STXBP6: variants seen among roughly 807,000 people sequenced by gnomAD.
STXBP6 encodes the protein syntaxin binding protein 6.
A neutral mutation model predicts 26.9 loss-of-function variants in STXBP6; 21 were observed. The observed-to-expected ratio is 0.78, with a 90% CI of 0.55 to 1.12. The LOEUF (loss-of-function observed/expected upper bound fraction) is 1.12, where lower values mean the gene tolerates loss of function less well. Ranked by LOEUF, STXBP6 falls within the 50% of genes most tolerant of loss-of-function variation. STXBP6 has a pLI of 0.00. For synonymous variants in STXBP6, 97 were observed against 92.6 expected (o/e 1.05, Z -0.27); for missense variants, 232 against 257.9 (o/e 0.90, Z 0.69).
At chr14:24,832,589 A>C (rs1417533860) in intron 4 of STXBP6, among the ~76,000 whole-genome samples, 1 of 152,184 alleles carries the variant, frequency 6.6e-6, no homozygotes, top group Non-Finnish European at 1.5e-5. Context: ...GTTACTAATG[A>C]ATTCCTGTGA....
intron 1 of STXBP6, among the ~76,000 whole-genome samples, chr14:25,015,742 T>C (rs1466837990): frequency 1.3e-5 from 2 of 151,910 alleles, no homozygotes; most frequent in Non-Finnish European, 2.9e-5. Flanking sequence ...AAAGTTGATT[T>C]AGACTGCATA....
At chr14:24,924,180 G>A (rs886653735) in intron 2 of STXBP6, among the ~76,000 whole-genome samples, 4 of 152,032 alleles carry the variant, frequency 2.6e-5, no homozygotes, top group East Asian at 1.9e-4. Context: ...GATGTCATCC[G>A]TGTGGGGCAT....
At chr14:24,892,146 T>C (rs2070810820) in intron 2 of STXBP6, among the ~76,000 whole-genome samples, 2 of 152,192 alleles carry the variant, frequency 1.3e-5, no homozygotes, top group Admixed American at 1.3e-4. Flanking sequence ...CTCCCCCATG[T>C]ATTCAGAGCA....
chr14:25,004,774 C>A (rs1415258887), intron 1 of STXBP6, among the ~76,000 whole-genome samples: 1 of 152,060 alleles, frequency 6.6e-6, no homozygotes, highest in African/African-American at 2.4e-5. Context: ...AGGGTCAGTT[C>A]ACATTCCCTA....
intron 2 of STXBP6, among the ~76,000 whole-genome samples, chr14:24,863,573 AATATCAAGAG>A (rs2069618651): frequency 6.6e-6 from 1 of 152,178 alleles, no homozygotes; most frequent in African/African-American, 2.4e-5. Flanking sequence ...AAGTTACAGA[AATATCAAGAG>A]ATATCAAGAG....
At chr14:25,024,925 A>AT (rs912796876) in intron 1 of STXBP6, among the ~76,000 whole-genome samples, 10 of 151,954 alleles carry the variant, frequency 6.6e-5, no homozygotes, top group South Asian at 2.1e-4. Context: ...CCATTTAATG[A>AT]TTTTTTTTGT....
At chr14:25,020,049 T>C (rs2075233855) in intron 1 of STXBP6, among the ~76,000 whole-genome samples, 1 of 152,108 alleles carries the variant, frequency 6.6e-6, no homozygotes, top group Non-Finnish European at 1.5e-5. Flanking sequence ...CTGATATACA[T>C]TACACATGAC....
At chr14:24,849,090 A>C (rs1477699064) in intron 4 of STXBP6, among the ~76,000 whole-genome samples, 2 of 152,154 alleles carry the variant, frequency 1.3e-5, no homozygotes, top group African/African-American at 4.8e-5. Context: ...TAACAAAAAC[A>C]CAAAACTTCC....
At chr14:24,861,047 G>T (rs911085956) in intron 2 of STXBP6, among the ~76,000 whole-genome samples, 10 of 151,958 alleles carry the variant, frequency 6.6e-5, no homozygotes, top group Non-Finnish European at 1.0e-4. Flanking sequence ...AAAAAAGAAA[G>T]AAAGAAAGAG....
chr14:24,973,675 C>T (rs1476529722), intron 2 of STXBP6, among the ~76,000 whole-genome samples: 1 of 152,092 alleles, frequency 6.6e-6, no homozygotes, highest in Non-Finnish European at 1.5e-5. Flanking sequence ...GCATGAGCCA[C>T]CGCGCCTGGC....
At chr14:25,004,886 G>C (rs1357673988) in intron 1 of STXBP6, among the ~76,000 whole-genome samples, 1 of 152,170 alleles carries the variant, frequency 6.6e-6, no homozygotes, top group African/African-American at 2.4e-5. Context: ...CCTGGGCCTA[G>C]GAGCATAAAT....
chr14:24,960,041 C>T (rs184224452), intron 2 of STXBP6, among the ~76,000 whole-genome samples: 87 of 152,280 alleles, frequency 5.7e-4, no homozygotes, highest in Non-Finnish European at 1.0e-3. Flanking sequence ...AGCAGACAAC[C>T]CCTGAAAGGA....
intron 1 of STXBP6, among the ~76,000 whole-genome samples, chr14:25,006,568 G>T (rs770074703): frequency 6.6e-6 from 1 of 152,164 alleles, no homozygotes; most frequent in Non-Finnish European, 1.5e-5. Context: ...CCCAGAAGAC[G>T]CACCTCTGCT....
At chr14:24,951,013 G>A (rs2073151385) in intron 2 of STXBP6, among the ~76,000 whole-genome samples, 1 of 152,010 alleles carries the variant, frequency 6.6e-6, no homozygotes, top group Non-Finnish European at 1.5e-5. Flanking sequence ...TCTTGTGTTA[G>A]CTTGCTAACA....
At position 25,037,750 on chromosome 14, in the gene STXBP6, G is replaced by A. The variant is rs148343914; in HGVS notation, c.-33+12128C>T. 2.2e-4 allele frequency among the ~76,000 whole-genome samples: 33 copies of A among 152,260 alleles called. No homozygotes were observed. The East Asian group carries it at 6.2e-3, about 29-fold the overall frequency. On this transcript the variant is annotated intron_variant, in intron 1 of 5. Coordinates refer to ENST00000323944, the MANE Select transcript of STXBP6 (RefSeq NM_001394410.1). Reference sequence around the variant, plus strand: ...AGAGCAATTCCAAAAAATGTTTTCAGCAATACTTTTTAAGGTGGTTTACTA... The same window carrying A: ...AGAGCAATTCCAAAAAATGTTTTCAACAATACTTTTTAAGGTGGTTTACTA...
Position 24,856,058 on chromosome 14 carries a change from T to C in STXBP6, c.329A>G (p.Gln110Arg). Residue 110 changes from glutamine (Q) to arginine (R), a missense_variant, in exon 4 of 6, where the codon CAG becomes CGG. Gln to Arg is a conservative substitution (Grantham distance 43). Coordinates refer to ENST00000323944, the MANE Select transcript of STXBP6 (RefSeq NM_001394410.1). ...TTCTGACGCTGTGCTGGCTACCCAC[T>C]GGTCAAAAGCATTTTCAAACAACAA... ...FDLLFENAFD[Q>R]WVASTASEKC... The C allele has an allele frequency of 6.2e-7, 1 of 1,608,674 alleles. No individual in the cohort carries two copies. Among genetic ancestry groups the C allele is most frequent in the Non-Finnish European group, 8.5e-7 (1 of 1,177,558 alleles).
chr14:24,896,637 A>G lies in STXBP6; in HGVS notation c.155-39480T>C, dbSNP rs147424708. On this transcript the variant is annotated intron_variant, in intron 2 of 5. Coordinates refer to ENST00000323944, the MANE Select transcript of STXBP6 (RefSeq NM_001394410.1). ...TCTAAAATATCTGGCAGTCTCTGAT[A>G]GGTACCATAATAAAGATATGGAGTA... Among the ~76,000 whole-genome samples, 51 of 152,344 alleles carry G rather than the reference A, an allele frequency of 3.3e-4. No individual in the cohort carries two copies. In the East Asian group the frequency reaches 9.6e-3, roughly 29 times the overall value.
At position 24,946,352 on chromosome 14, in the gene STXBP6, G is replaced by A. The variant is rs899137676; in HGVS notation, c.154+28313C>T. On this transcript the variant is annotated intron_variant, in intron 2 of 5. Transcript: ENST00000323944. ...GATAAATGTGAAAGAGGGCCCAGGC[G>A]AGAGTCCTAAGAGTGTCCAAATTTA... 2.6e-5 allele frequency among the ~76,000 whole-genome samples: 4 copies of A among 152,110 alleles called. No homozygotes were observed. The East Asian group carries it at 7.7e-4, about 29-fold the overall frequency.
In STXBP6 at chr14:24,878,970, C is replaced by T. The variant is rs557411652; in HGVS notation, c.155-21813G>A. Among the ~76,000 whole-genome samples the T allele has an allele frequency of 7.2e-5, 11 of 152,218 alleles. No homozygotes were observed. The South Asian group carries it at 1.5e-3, about 20-fold the overall frequency. On this transcript the variant is annotated intron_variant, in intron 2 of 5. Coordinates refer to ENST00000323944, the MANE Select transcript of STXBP6 (RefSeq NM_001394410.1). ...ATACAGTGTTTGACCTGAATGACCA[C>T]GTGCCTTAAACATGTTTAAATTAGT...
Sources: allele counts gnomAD v4.1 joint callset (sites outside exome capture counted in the v4.1 genomes callset), GRCh38; gene constraint gnomAD v4.1.1; transcripts MANE v1.5; gene names NCBI Gene and HGNC (gene_info 2026-07-23, HGNC 2026-07-21).